DTNB: variants seen among roughly 807,000 people sequenced by gnomAD.
DTNB encodes the protein dystrobrevin beta.
DTNB carries 63 observed loss-of-function variants against 90.7 expected under a neutral mutation model. That is an observed-to-expected ratio of 0.69 (90% CI 0.57 to 0.86). The LOEUF is 0.86. DTNB is among the 40% of genes least tolerant of loss of function. The pLI, the probability that DTNB is intolerant of heterozygous loss-of-function variation, is 0.00. For missense variants in DTNB, 744 were observed against 807.1 expected (o/e 0.92, Z 0.95); for synonymous variants, 277 against 286.7 (o/e 0.97, Z 0.34).
chr2:25,422,438 C>A (rs962771228), intron 15 of DTNB, among the ~76,000 whole-genome samples: 1 of 113,032 alleles, frequency 8.8e-6, no homozygotes, highest in Non-Finnish European at 1.7e-5. Context: ...TGGAGTCTCA[C>A]TGTGTCGCCC....
In DTNB at chr2:25,624,290, C is replaced by A. The variant is rs192527792; in HGVS notation, c.362+3881G>T. 2.0e-5 allele frequency among the ~76,000 whole-genome samples: 3 copies of A among 152,322 alleles called. No homozygotes were observed. In the East Asian group the frequency reaches 5.8e-4, roughly 29 times the overall value. ...CTAAAATGTATAAAAGCAAGCTGTGCTCTGACCACCTTGGGCACACATTGT... is the reference window on the plus strand; with the variant it reads ...CTAAAATGTATAAAAGCAAGCTGTGATCTGACCACCTTGGGCACACATTGT... On this transcript the variant is annotated intron_variant, in intron 4 of 20. Transcript: ENST00000406818.
chr2:25,586,860 C>G (rs144310877), intron 6 of DTNB, among the ~76,000 whole-genome samples: 58 of 152,292 alleles, frequency 3.8e-4, no homozygotes, highest in African/African-American at 1.1e-3. Flanking sequence ...TCACTCAAAA[C>G]AGGTTACTCA....
chr2:25,446,174 T>G (rs1558558852), intron 12 of DTNB, among the ~76,000 whole-genome samples: 1 of 152,202 alleles, frequency 6.6e-6, no homozygotes, highest in South Asian at 2.1e-4. Context: ...TTCAACCGTC[T>G]GTTTTTATAA....
chr2:25,487,727 T>C (rs2066488565), intron 9 of DTNB, among the ~76,000 whole-genome samples: 1 of 152,190 alleles, frequency 6.6e-6, no homozygotes, highest in Non-Finnish European at 1.5e-5. Context: ...ATAGAAATAG[T>C]ATGTAAAATG....
In DTNB at chr2:25,531,607, A is replaced by C; in HGVS notation, c.877-10T>G. 6.2e-7 allele frequency: 1 copy of C among 1,612,864 alleles called. No individual in the cohort carries two copies. Among genetic ancestry groups the C allele is most frequent in the Non-Finnish European group, 8.5e-7 (1 of 1,179,608 alleles). On this transcript the variant is annotated splice_polypyrimidine_tract_variant and intron_variant, in intron 8 of 20. Transcript: ENST00000406818. ...TCTTTGCAGGAGATTTCTGTGTCAA[A>C]GCAGAAAATAGTAAGGAATTAACCC... is the stretch of plus-strand genomic sequence containing the variant.
chr2:25,659,187 G>GGGGGAAAAGGT (rs2082659338), intron 1 of DTNB, among the ~76,000 whole-genome samples: 1 of 152,132 alleles, frequency 6.6e-6, no homozygotes, highest in Non-Finnish European at 1.5e-5. Flanking sequence ...TGAAGAGGGT[G>GGGGGAAAAGGT]GGGGAAAAGG....
intron 1 of DTNB, among the ~76,000 whole-genome samples, chr2:25,668,760 C>G (rs1383172128): frequency 6.6e-6 from 1 of 152,136 alleles, no homozygotes; most frequent in East Asian, 1.9e-4. Flanking sequence ...AACTGTATTA[C>G]TGACAATTGC....
intron 10 of DTNB, chr2:25,481,717 A>G (rs2150379380): frequency 6.6e-6 from 1 of 152,338 alleles, no homozygotes; most frequent in East Asian, 1.9e-4. Context: ...CTTCCTTGTC[A>G]GGCTATTGCC....
intron 1 of DTNB, 27 bp from the exon 2 acceptor site, chr2:25,652,688 C>G: frequency 1.2e-6 from 2 of 1,602,088 alleles, no homozygotes; most frequent in Non-Finnish European, 1.7e-6. Context: ...ATACAATAAA[C>G]CACTGTATAA....
intron 9 of DTNB, among the ~76,000 whole-genome samples, chr2:25,492,393 A>G (rs994723535): frequency 6.6e-6 from 1 of 152,250 alleles, no homozygotes; most frequent in Non-Finnish European, 1.5e-5. Flanking sequence ...GACTAAAAAA[A>G]AAGTTTAACA....
chr2:25,520,948 G>C (rs2076027168), intron 9 of DTNB, among the ~76,000 whole-genome samples: 1 of 152,140 alleles, frequency 6.6e-6, no homozygotes, highest in Non-Finnish European at 1.5e-5. Flanking sequence ...CTGTTTTGAT[G>C]CAATGTGCGG....
intron 19 of DTNB, 119 bp from the exon 20 acceptor site, chr2:25,379,442 G>A (rs1437648941): frequency 1.7e-5 from 21 of 1,212,964 alleles, no homozygotes; most frequent in Non-Finnish European, 2.1e-5. Context: ...TGCTTCTCCC[G>A]TTACTCGTTT....
At chr2:25,633,946 G>A (rs1277989618) in intron 3 of DTNB, among the ~76,000 whole-genome samples, 45 of 151,398 alleles carry the variant, frequency 3.0e-4, no homozygotes, top group South Asian at 8.4e-4. Flanking sequence ...CAACCGCCCC[G>A]TCTGAGAAGT....
intron 9 of DTNB, among the ~76,000 whole-genome samples, chr2:25,493,406 A>G (rs1558752754): frequency 6.6e-6 from 1 of 152,158 alleles, no homozygotes. Flanking sequence ...TAAATGATGC[A>G]GCAGATTTCA....
At chr2:25,395,709 G>C (rs1157340327) in intron 16 of DTNB, among the ~76,000 whole-genome samples, 2 of 151,980 alleles carry the variant, frequency 1.3e-5, no homozygotes, top group East Asian at 3.9e-4. Context: ...CTGATTTGTA[G>C]GTATTTCTCA....
chr2:25,424,815 G>A lies in DTNB; in HGVS notation c.1554+2720C>T, dbSNP rs573862656. Among the ~76,000 whole-genome samples, 18 of 151,954 alleles carry A rather than the reference G, an allele frequency of 1.2e-4. No homozygotes were observed. The highest frequency in any genetic ancestry group is 2.2e-4 in the Non-Finnish European group (15 of 67,978). On this transcript the variant is annotated intron_variant, in intron 15 of 20. Transcript: ENST00000406818. The surrounding 1 kb of genome is among the most constrained non-coding windows in gnomAD (Gnocchi z 4.1). ...CCTGAGTAGCTGGGATTATAGGCAC[G>A]TGCCACCGTGCCCGGCTAATTTTTG...
At chr2:25,438,700 G>A (rs911199820) in intron 12 of DTNB, among the ~76,000 whole-genome samples, 7 of 152,218 alleles carry the variant, frequency 4.6e-5, no homozygotes, top group Non-Finnish European at 7.3e-5. Context: ...CATTCCTTAA[G>A]AGAAGCCTGT....
chr2:25,416,221 A>C (rs2047887651), intron 16 of DTNB, among the ~76,000 whole-genome samples: 1 of 152,232 alleles, frequency 6.6e-6, no homozygotes, highest in South Asian at 2.1e-4. Context: ...ATCTGGGTAG[A>C]AAGAGATCCT....
intron 4 of DTNB, among the ~76,000 whole-genome samples, chr2:25,617,211 C>CA (rs2070994329): frequency 6.6e-6 from 1 of 152,132 alleles, no homozygotes; most frequent in Non-Finnish European, 1.5e-5. Flanking sequence ...ACCAAAGTGT[C>CA]AATCTGTAAC....
Sources: gnomAD v4.1 joint callset for allele counts (sites outside exome capture counted in the v4.1 genomes callset) on GRCh38, gnomAD v4.1.1 for gene constraint, Gnocchi (gnomAD v3.1) non-coding constraint, MANE v1.5 for transcripts, NCBI Gene and HGNC (gene_info 2026-07-23, HGNC 2026-07-21) for gene names.